The following SLC27A5 variants were observed in gnomAD, a reference collection of about 807,000 sequenced individuals.
The protein encoded by SLC27A5 is solute carrier family 27 member 5, also known as long-chain fatty acid transport protein 5.
SLC27A5 carries 47 observed loss-of-function variants against 63.1 expected under a neutral mutation model. That is an observed-to-expected ratio of 0.74 (90% confidence interval 0.59 to 0.95). The LOEUF is 0.95. SLC27A5 is among the 40% of genes least tolerant of loss of function. The probability of loss-of-function intolerance (pLI) is 0.00; values close to 1 mark genes in which losing one functional copy is unlikely to be tolerated. For synonymous variants in SLC27A5, 391 were observed against 403.8 expected (o/e 0.97, Z 0.38); for missense variants, 940 against 921.0 (o/e 1.02, Z -0.27).
chr19:58,504,420 A>C (rs889930917), intron 3 of SLC27A5, among the ~76,000 whole-genome samples: 1 of 145,718 alleles, frequency 6.9e-6, no homozygotes, highest in Non-Finnish European at 1.5e-5. Context: ...AGGCCGAGGC[A>C]GGTGGATCAC....
Position 58,498,861 on chromosome 19 carries a change from A to G in SLC27A5, c.1820T>C (p.Phe607Ser). The change falls in exon 9 of 10, where the codon TTC becomes TCC. Residue 607 changes from phenylalanine (F) to serine (S), a missense_variant. Physicochemically the swap from Phe to Ser is radical, Grantham distance 155. Transcript: ENST00000263093. ...GTGCTGGTACAACTTCTCCCCGTCG[A>G]AAGTCTGGCCGGGGGCTAGCTGCAC... ...AAVQLAPGQT[F>S]DGEKLYQHVR... 1.2e-6 allele frequency: 2 copies of G among 1,613,924 alleles called. No individual in the cohort carries two copies. Among genetic ancestry groups the G allele is most frequent in the East Asian group, 2.2e-5 (1 of 44,880 alleles).
chr19:58,503,220 GAA>G (rs2053304348), intron 3 of SLC27A5, among the ~76,000 whole-genome samples: 3 of 143,890 alleles, frequency 2.1e-5, no homozygotes, highest in Non-Finnish European at 3.1e-5. Flanking sequence ...AAAAAAAAAA[GAA>G]AAAGAGAAAG....
At chr19:58,510,099 A>C in intron 2 of SLC27A5, 94 bp from the exon 3 acceptor site, 1 of 1,343,330 alleles carries the variant, frequency 7.4e-7, no homozygotes, top group South Asian at 1.4e-5. Flanking sequence ...CCAGGCCTAC[A>C]TTGGGGTTTG....
Position 58,498,402 on chromosome 19 carries a change from T to C in SLC27A5, c.*113A>G, listed in dbSNP as rs764052695. The C allele has an allele frequency of 9.1e-7, 1 of 1,093,622 alleles. No homozygotes were observed. The highest frequency in any genetic ancestry group is 1.3e-6 in the Non-Finnish European group (1 of 777,284). 67.7% of individuals were successfully genotyped at this position (1,093,622 alleles called of 1,614,324 possible). ...CACTGTCATTTCCAGCCCACTGAGG[T>C]TGAGGGTATGGCCAGGCTGGGATTC... On this transcript the variant is annotated 3_prime_UTR_variant, in exon 10 of 10. Coordinates refer to ENST00000263093, the MANE Select transcript of SLC27A5 (RefSeq NM_012254.3).
At chr19:58,499,418 G>C in intron 7 of SLC27A5, 74 bp downstream of exon 7, 1 of 1,522,930 alleles carries the variant, frequency 6.6e-7, no homozygotes, top group Non-Finnish European at 9.0e-7. Flanking sequence ...CGCCTCTTCA[G>C]CCTGACTCCC....
chr19:58,498,957 G>A, intron 8 of SLC27A5, 42 bp from the exon 9 acceptor site: 1 of 1,596,716 alleles, frequency 6.3e-7, no homozygotes, highest in Non-Finnish European at 8.5e-7. Context: ...CCATCTCGAG[G>A]GCCCATAGCT....
chr19:58,505,803 G>A (rs142473045), intron 3 of SLC27A5, among the ~76,000 whole-genome samples: 7 of 142,856 alleles, frequency 4.9e-5, no homozygotes, highest in East Asian at 2.1e-4. Context: ...AGCCGACATC[G>A]CGCCATTGCA....
At chr19:58,504,696 C>T (rs1318751221) in intron 3 of SLC27A5, among the ~76,000 whole-genome samples, 2 of 141,986 alleles carry the variant, frequency 1.4e-5, no homozygotes, top group East Asian at 4.6e-4. Context: ...AAAAAAGAAA[C>T]AGGGAAGTAC....
chr19:58,498,687 G>A lies in SLC27A5; in HGVS notation c.1901C>T (p.Ala634Val). The A allele has an allele frequency of 6.2e-7, 1 of 1,613,746 alleles. No individual in the cohort carries two copies. The stretch of plus-strand genomic sequence containing the variant: ...TTTGAACGTGCTGGTGACCTCCATG[G>A]CGTCCTGCAGGGCAGTGACCATGGT... ...ATPHFIRIQD[A>V]MEVTSTFKLM... The change falls in exon 10 of 10, where the codon GCC becomes GTC. Residue 634 changes from alanine to valine, a missense_variant. Coordinates refer to ENST00000263093, the MANE Select transcript of SLC27A5 (RefSeq NM_012254.3).
Position 58,498,374 on chromosome 19 carries a change from G to A in SLC27A5, c.*141C>T. On this transcript the variant is annotated 3_prime_UTR_variant, in exon 10 of 10. Transcript: ENST00000263093. ...GAGTTTATTCTGCCACTGCTACAGGGCCCACTGTCATTTCCAGCCCACTGA... is the reference window on the plus strand; with the variant it reads ...GAGTTTATTCTGCCACTGCTACAGGACCCACTGTCATTTCCAGCCCACTGA... The A allele has an allele frequency of 2.6e-6, 2 of 784,034 alleles. No homozygotes were observed. Among genetic ancestry groups the A allele is most frequent in the Non-Finnish European group, 4.0e-6 (2 of 502,164 alleles). The allele number at this position is 784,034 out of a possible 1,614,324, so 48.6% of individuals were successfully genotyped here.
intron 3 of SLC27A5, among the ~76,000 whole-genome samples, chr19:58,506,809 A>T (rs943039806): frequency 9.0e-4 from 136 of 151,926 alleles, no homozygotes; most frequent in African/African-American, 3.1e-3. Context: ...GGGTTTTACC[A>T]TGTTGGCCAG....
chr19:58,501,863 G>A (rs1425538576), intron 3 of SLC27A5, among the ~76,000 whole-genome samples: 1 of 152,186 alleles, frequency 6.6e-6, no homozygotes, highest in Non-Finnish European at 1.5e-5. Context: ...TTTAAGTACA[G>A]ACGGGGTTTC....
chr19:58,498,419 C>T lies in SLC27A5; in HGVS notation c.*96G>A. ...CACTGAGGTTGAGGGTATGGCCAGG[C>T]TGGGATTCACACAGGCCCAGGATGA... On this transcript the variant is annotated 3_prime_UTR_variant, in exon 10 of 10. Transcript: ENST00000263093. The T allele has an allele frequency of 1.5e-6, 2 of 1,306,662 alleles. No homozygotes were observed. The highest frequency in any genetic ancestry group is 2.1e-6 in the Non-Finnish European group (2 of 960,850). 80.9% of individuals were successfully genotyped at this position (1,306,662 alleles called of 1,614,324 possible).
chr19:58,511,911 G>A lies in SLC27A5; in HGVS notation c.45C>T (p.Leu15=), dbSNP rs992284369. The A allele has an allele frequency of 6.5e-7, 1 of 1,546,920 alleles. No individual in the cohort carries two copies. The highest frequency in any genetic ancestry group is 8.7e-7 in the Non-Finnish European group (1 of 1,146,152). Residue 15 remains leucine, a synonymous_variant, in exon 1 of 10, where the codon CTC becomes CTT. Coordinates refer to ENST00000263093, the MANE Select transcript of SLC27A5 (RefSeq NM_012254.3). ...CTGGCTGCCCCAGGCCCCAGAGCAG[G>A]AGCAGCAGCAGCAGCAGCAAGGCCA... ...QQLALLLLLL[L]LLWGLGQPVW... is the part of the protein sequence containing the mutation.
rs938035843 is a variant in SLC27A5 at position 58,511,437 on chromosome 19, C to A, written c.519G>T (p.Glu173Asp). The stretch of plus-strand genomic sequence containing the variant: ...AAGCCAGCACAAGGAGGGCAGTAGG[C>A]TCCCCGGCACACAGGCTCGCAGGGT... ...LGDPASLCAG[E>D]PTALLVLASQ... The change falls in exon 1 of 10, where the codon GAG (glutamate) becomes GAT (aspartate). Residue 173 changes from glutamate (E) to aspartate (D), a missense_variant. By Grantham distance (45) the Glu-to-Asp change is conservative. Coordinates refer to ENST00000263093, the MANE Select transcript of SLC27A5 (RefSeq NM_012254.3). 1 of 1,602,662 alleles carries A rather than the reference C, an allele frequency of 6.2e-7. No homozygotes were observed. Among genetic ancestry groups the A allele is most frequent in the Non-Finnish European group, 8.5e-7 (1 of 1,174,988 alleles).
intron 6 of SLC27A5, 30 bp downstream of exon 6, chr19:58,500,309 C>A: frequency 6.3e-7 from 1 of 1,584,096 alleles, no homozygotes; most frequent in South Asian, 1.1e-5. Flanking sequence ...CCACCCCTGC[C>A]ACCCAGGAAA....
chr19:58,500,410 A>C lies in SLC27A5; in HGVS notation c.1397T>G (p.Leu466Arg), dbSNP rs1448753725. The change falls in exon 6 of 10, where the codon CTG (leucine) becomes CGG (arginine). Residue 466 changes from leucine (L) to arginine (R), a missense_variant. Coordinates refer to ENST00000263093, the MANE Select transcript of SLC27A5 (RefSeq NM_012254.3). ...CLLRMLSPFE[L>R]VQFDMEAAEP... ...CGCCGCCTCCATGTCGAACTGCACCAGCTCAAAGGGGGACAGCATCTGGGG... is the reference window on the plus strand; with the variant it reads ...CGCCGCCTCCATGTCGAACTGCACCCGCTCAAAGGGGGACAGCATCTGGGG... 8 of 1,613,744 alleles carry C rather than the reference A, an allele frequency of 5.0e-6. No homozygotes were observed. The highest frequency in any genetic ancestry group is 3.3e-5 in the Admixed American group (2 of 59,972).
At chr19:58,504,729 G>A (rs1165334348) in intron 3 of SLC27A5, among the ~76,000 whole-genome samples, 1 of 150,846 alleles carries the variant, frequency 6.6e-6, no homozygotes, top group African/African-American at 2.4e-5. Flanking sequence ...ACTGGCCCTG[G>A]GCGCGGTGGC....
In SLC27A5 at chr19:58,499,522, T is replaced by G. The variant is rs1175853497; in HGVS notation, c.1637A>C (p.Tyr546Ser). The change falls in exon 7 of 10, where the codon TAC (tyrosine) becomes TCC (serine). Residue 546 changes from tyrosine to serine, a missense_variant. Coordinates refer to ENST00000263093, the MANE Select transcript of SLC27A5 (RefSeq NM_012254.3). ...VLAMDREGFLYFRDRLGDTFR... is the reference protein window; with the variant it reads ...VLAMDREGFLSFRDRLGDTFR... Reference sequence around the variant, plus strand: ...GGTGTCCCCGAGGCGGTCGCGGAAGTAGAGGAAGCCTTCGCGGTCCATGGC... The same window carrying G: ...GGTGTCCCCGAGGCGGTCGCGGAAGGAGAGGAAGCCTTCGCGGTCCATGGC... 1 of 1,612,658 alleles carries G rather than the reference T, an allele frequency of 6.2e-7. No homozygotes were observed. Among genetic ancestry groups the G allele is most frequent in the East Asian group, 2.2e-5 (1 of 44,836 alleles).
Sources: allele counts gnomAD v4.1 joint callset (sites outside exome capture counted in the v4.1 genomes callset), GRCh38; gene constraint gnomAD v4.1.1; transcripts MANE v1.5; gene names NCBI Gene and HGNC (gene_info 2026-07-23, HGNC 2026-07-21).